The following SKA2 variants were observed in gnomAD, a reference collection of about 807,000 sequenced individuals.
SKA2 encodes spindle and kinetochore-associated protein 2.
Under a neutral mutation model 16.9 loss-of-function variants are expected in SKA2, and 13 were observed. The observed-to-expected ratio is 0.77, with a 90% CI of 0.50 to 1.22. The LOEUF is 1.22. Among genes scored for constraint, SKA2 ranks in the 50% most tolerant of loss-of-function variants. The pLI, the probability that SKA2 is intolerant of heterozygous loss-of-function variation, is 0.00. For missense variants in SKA2, 107 were observed against 139.7 expected (o/e 0.77, Z 1.18); for synonymous variants, 47 against 48.5 (o/e 0.97, Z 0.13).
intron 1 of SKA2, among the ~76,000 whole-genome samples, chr17:59,139,884 ATGAAAGAACAAACATTCATTCATT>A (rs1201354664): frequency 6.6e-6 from 1 of 152,200 alleles, no homozygotes; most frequent in Non-Finnish European, 1.5e-5. Flanking sequence ...AAGGGAATAG[ATGAAAGAACAAACATTCATTCATT>A]TGAAAGAACA....
At chr17:59,113,349 C>G (rs1050018132) in intron 3 of SKA2, among the ~76,000 whole-genome samples, 1 of 139,020 alleles carries the variant, frequency 7.2e-6, no homozygotes, top group Non-Finnish European at 1.6e-5. Context: ...TGGTGAAACC[C>G]CATCTCTACT....
chr17:59,153,689 A>G (rs531760041), intron 1 of SKA2, among the ~76,000 whole-genome samples: 25 of 152,354 alleles, frequency 1.6e-4, no homozygotes, highest in African/African-American at 5.8e-4. Context: ...GCAGGCACAA[A>G]GGATACCTAA....
At chr17:59,123,104 AG>A (rs2046347041) in intron 2 of SKA2, among the ~76,000 whole-genome samples, 1 of 151,754 alleles carries the variant, frequency 6.6e-6, no homozygotes. Context: ...TATTAGCTCT[AG>A]AAAAATAAGT....
chr17:59,129,438 G>A (rs2046395496), intron 2 of SKA2: 1 of 149,748 alleles, frequency 6.7e-6, no homozygotes, highest in South Asian at 2.1e-4. Context: ...CTTGATCTTA[G>A]CCAAAAGGCT....
At chr17:59,126,846 A>C (rs913446375) in intron 2 of SKA2, among the ~76,000 whole-genome samples, 3 of 152,224 alleles carry the variant, frequency 2.0e-5, no homozygotes, top group Non-Finnish European at 4.4e-5. Context: ...CACAGTAGCC[A>C]AAAGGTGAAA....
intron 1 of SKA2, among the ~76,000 whole-genome samples, chr17:59,147,829 CAAAAA>C (rs536221750): frequency 9.5e-6 from 1 of 105,196 alleles, no homozygotes; most frequent in Non-Finnish European, 2.1e-5. Context: ...TTGTTTTAAG[CAAAAA>C]AAAAAAAAAA....
At chr17:59,117,241 G>A (rs1001824699) in intron 3 of SKA2, among the ~76,000 whole-genome samples, 2 of 152,084 alleles carry the variant, frequency 1.3e-5, no homozygotes, top group African/African-American at 4.8e-5. Flanking sequence ...TTGGTTATCA[G>A]CTCTACAGAT....
At chr17:59,114,826 C>T (rs118136013) in intron 3 of SKA2, among the ~76,000 whole-genome samples, 336 of 152,252 alleles carry the variant, frequency 2.2e-3, no homozygotes, top group Non-Finnish European at 3.7e-3. Context: ...CAAGTAGTTA[C>T]AATTCTGCCA....
At position 59,137,871 on chromosome 17, in the gene SKA2, G is replaced by T. The variant is rs762594622; in HGVS notation, c.34-6504C>A. On this transcript the variant is annotated intron_variant, in intron 1 of 3. Coordinates refer to ENST00000330137, the MANE Select transcript of SKA2 (RefSeq NM_182620.4). ...GGGTTCTAGGATCTGGTGATAAACA[G>T]AATTTTTTTTAGTTAGATGGCAGAA... 3 of 497,972 alleles carry T rather than the reference G, an allele frequency of 6.0e-6. No homozygotes were observed. In the African/African-American group the frequency reaches 6.0e-5, roughly 10 times the overall value. 30.8% of individuals were successfully genotyped at this position (497,972 alleles called of 1,614,324 possible). A position where few individuals can be genotyped will look rare whatever the true frequency, so the allele number is the denominator to read the frequency against.
At chr17:59,139,172 C>A (rs376679956) in intron 1 of SKA2, among the ~76,000 whole-genome samples, 2 of 151,786 alleles carry the variant, frequency 1.3e-5, no homozygotes, top group Non-Finnish European at 2.9e-5. Flanking sequence ...CTGAGGCGGG[C>A]GGAGCACGAG....
chr17:59,120,778 T>C (rs973020060), intron 2 of SKA2, among the ~76,000 whole-genome samples: 3 of 152,106 alleles, frequency 2.0e-5, no homozygotes, highest in Non-Finnish European at 4.4e-5. Context: ...CAATAGAAGC[T>C]AGAAAACCAC....
At chr17:59,130,743 T>C (rs2046406744) in intron 2 of SKA2, among the ~76,000 whole-genome samples, 1 of 152,188 alleles carries the variant, frequency 6.6e-6, no homozygotes, top group Admixed American at 6.6e-5. Flanking sequence ...TGCTTGGAGA[T>C]TATTTACTTT....
intron 3 of SKA2, among the ~76,000 whole-genome samples, chr17:59,113,006 C>T (rs930166678): frequency 1.9e-4 from 29 of 151,890 alleles, no homozygotes; most frequent in Admixed American, 9.8e-4. Context: ...CTCAACCTCC[C>T]ATCTCAAGCA....
chr17:59,142,291 G>GTT (rs757348686), intron 1 of SKA2, among the ~76,000 whole-genome samples: 21 of 136,894 alleles, frequency 1.5e-4, no homozygotes, highest in East Asian at 4.2e-4. Flanking sequence ...TATATGGTGG[G>GTT]TTTTTTTTTT....
chr17:59,154,219 C>T (rs1354140411), intron 1 of SKA2, among the ~76,000 whole-genome samples: 2 of 148,326 alleles, frequency 1.3e-5, no homozygotes, highest in African/African-American at 5.0e-5. Flanking sequence ...TAATGCTGAA[C>T]GAAAAGGGCT....
chr17:59,129,358 T>TACATACACAC (rs1555711823), intron 2 of SKA2: 1 of 136,792 alleles, frequency 7.3e-6, no homozygotes, highest in Non-Finnish European at 1.5e-5. Flanking sequence ...TAAACACACA[T>TACATACACAC]ACACACACAC....
intron 3 of SKA2, among the ~76,000 whole-genome samples, chr17:59,119,088 A>G (rs960422508): frequency 2.0e-5 from 3 of 152,222 alleles, no homozygotes; most frequent in African/African-American, 4.8e-5. Flanking sequence ...GTTTTCTGCC[A>G]TGGTTACATA....
chr17:59,137,323 T>C (rs757546300), intron 1 of SKA2, among the ~76,000 whole-genome samples: 1 of 152,210 alleles, frequency 6.6e-6, no homozygotes, highest in Non-Finnish European at 1.5e-5. Context: ...CATCCAAAAA[T>C]GTACATTCTT....
intron 1 of SKA2, among the ~76,000 whole-genome samples, chr17:59,143,559 A>G (rs2046508789): frequency 6.6e-6 from 1 of 152,074 alleles, no homozygotes; most frequent in African/African-American, 2.4e-5. Context: ...TTTTAAATAG[A>G]GACAGGGTTT....
Sources: gnomAD v4.1 joint callset for allele counts (sites outside exome capture counted in the v4.1 genomes callset) on GRCh38, gnomAD v4.1.1 for gene constraint, MANE v1.5 for transcripts, NCBI Gene and HGNC (gene_info 2026-07-23, HGNC 2026-07-21) for gene names.